EPHA4: variants seen among roughly 807,000 people sequenced by gnomAD.
The protein encoded by EPHA4 is EPH receptor A4, also known as ephrin type-A receptor 4.
EPHA4 carries 19 observed loss-of-function variants against 108.3 expected under a neutral mutation model. The ratio of observed to expected loss-of-function variants is 0.18; its 90% CI spans 0.12 to 0.26. The LOEUF is 0.26. EPHA4 is among the 10% of genes least tolerant of loss of function. EPHA4 has a pLI of 1.00. For missense variants in EPHA4, 917 were observed against 1,254.0 expected, an observed-to-expected ratio of 0.73 and a Z score of 4.06; for synonymous variants, 449 against 455.5, an observed-to-expected ratio of 0.99 and a Z score of 0.18.
upstream of EPHA4, chr2:221,574,149 G>C (rs550343024): frequency 1.3e-5 from 2 of 152,184 alleles, no homozygotes. Flanking sequence ...TGCAAACTCA[G>C]AGCCGAGCTA....
intron 3 of EPHA4, among the ~76,000 whole-genome samples, chr2:221,555,999 C>T (rs539182107): frequency 6.6e-6 from 1 of 152,072 alleles, no homozygotes; most frequent in Non-Finnish European, 1.5e-5. Flanking sequence ...TGTTACCTTC[C>T]AAAGAAACTG....
chr2:221,564,191 C>G lies in EPHA4; in HGVS notation c.363G>C (p.Thr121=), dbSNP rs752193754. The G allele has an allele frequency of 6.2e-7, 1 of 1,614,126 alleles. No homozygotes were observed. Among genetic ancestry groups the G allele is most frequent in the East Asian group, 2.2e-5 (1 of 44,870 alleles). Residue 121 remains threonine (T), a synonymous_variant, in exon 3 of 18, where the codon ACG becomes ACC. Coordinates refer to ENST00000281821, the MANE Select transcript of EPHA4 (RefSeq NM_004438.5). ...CTGATTCATAGTAGTACAGGTTAAA[C>G]GTCTCCTTGCAAGTCCCCATGACGC... ...LPGVMGTCKE[T]FNLYYYESDN... is the part of the protein sequence containing the mutation.
intron 6 of EPHA4, among the ~76,000 whole-genome samples, chr2:221,457,109 G>T (rs1437613825): frequency 1.3e-5 from 2 of 152,180 alleles, no homozygotes; most frequent in African/African-American, 2.4e-5. Flanking sequence ...CTGTGAGAAG[G>T]TCCCTTATCT....
At chr2:221,481,389 C>T (rs972301426) in intron 5 of EPHA4, among the ~76,000 whole-genome samples, 1 of 134,952 alleles carries the variant, frequency 7.4e-6, no homozygotes, top group Non-Finnish European at 1.6e-5. Context: ...GCTGCAATCA[C>T]GCCTGTAATC....
chr2:221,454,109 G>T (rs529960057), intron 8 of EPHA4, among the ~76,000 whole-genome samples: 10 of 152,096 alleles, frequency 6.6e-5, no homozygotes, highest in Admixed American at 5.2e-4. Context: ...GAACCCAGGA[G>T]GCAGACGTTG....
Position 221,564,046 on chromosome 2 carries a change from T to A in EPHA4, c.508A>T (p.Ile170Phe). Residue 170 changes from isoleucine to phenylalanine, a missense_variant, in exon 3 of 18, where the codon ATC becomes TTC. Ile to Phe is a conservative substitution (Grantham distance 21). Around this residue, in one of 3 missense-constraint regions of EPHA4, gnomAD observed 758 missense variants for 1,076.7 expected, o/e 0.70. Coordinates refer to ENST00000281821, the MANE Select transcript of EPHA4 (RefSeq NM_004438.5). ...GDRIMKLNTE[I>F]RDVGPLSKKG... ...TTGCTTAATGGCCCTACATCCCGGA[T>A]CTCGGTGTTCAGCTTCATGATTCTG... 6.2e-7 allele frequency: 1 copy of A among 1,614,060 alleles called. No homozygotes were observed. Among genetic ancestry groups the A allele is most frequent in the South Asian group, 1.1e-5 (1 of 91,070 alleles).
chr2:221,436,989 C>G, intron 12 of EPHA4, 72 bp downstream of exon 12: 1 of 1,149,250 alleles, frequency 8.7e-7, no homozygotes. Context: ...CCGAACACAA[C>G]AAACACAAGG....
rs575455130 is a variant in EPHA4, at chr2:221,489,270, A to G, written c.980-6580T>C. Among the ~76,000 whole-genome samples, 135 of 152,338 alleles carry G rather than the reference A, an allele frequency of 8.9e-4. No individual in the cohort carries two copies. The South Asian group carries it at 0.027, about 30-fold the overall frequency. On this transcript the variant is annotated intron_variant, in intron 4 of 17. Coordinates refer to ENST00000281821, the MANE Select transcript of EPHA4 (RefSeq NM_004438.5). ...TGCGTTTTGAAATGGGTTTGGCAGA[A>G]ATGGGTTCTGCCAAAGGGCTTAAAT...
At chr2:221,492,567 C>G (rs1692178395) in intron 4 of EPHA4, among the ~76,000 whole-genome samples, 1 of 152,112 alleles carries the variant, frequency 6.6e-6, no homozygotes, top group Non-Finnish European at 1.5e-5. Context: ...TCTAGAGGTA[C>G]TTTTTCCTTT....
At chr2:221,543,551 T>C (rs537616476) in intron 3 of EPHA4, among the ~76,000 whole-genome samples, 1 of 152,328 alleles carries the variant, frequency 6.6e-6, no homozygotes, top group East Asian at 1.9e-4. Context: ...TTATGATAAA[T>C]AAGTTCGCTT....
Position 221,477,442 on chromosome 2 carries a change from G to A in EPHA4, c.1318+4910C>T, listed in dbSNP as rs190763120. On this transcript the variant is annotated intron_variant, in intron 5 of 17. Transcript: ENST00000281821. ...TTTGGACCAGAAAATTCTTCATTGC[G>A]GAGGATTGGGGATGCTGTGTTGTGA... Among the ~76,000 whole-genome samples the A allele has an allele frequency of 3.9e-5, 6 of 152,222 alleles. No homozygotes were observed. The East Asian group carries it at 9.7e-4, about 25-fold the overall frequency.
At chr2:221,501,944 A>G (rs187212183) in intron 3 of EPHA4, among the ~76,000 whole-genome samples, 9 of 151,356 alleles carry the variant, frequency 5.9e-5, no homozygotes, top group Non-Finnish European at 1.2e-4. Context: ...AGTTCATAAA[A>G]CCCTCCTGTT....
At chr2:221,489,057 C>T (rs1692061781) in intron 4 of EPHA4, among the ~76,000 whole-genome samples, 1 of 152,164 alleles carries the variant, frequency 6.6e-6, no homozygotes, top group South Asian at 2.1e-4. Context: ...TAAAAGCCGT[C>T]AGCCAACACT....
intron 1 of EPHA4, 98 bp downstream of exon 1, chr2:221,572,060 G>C: frequency 2.0e-6 from 2 of 1,002,264 alleles, no homozygotes; most frequent in Non-Finnish European, 3.1e-6. Context: ...ATTCACACTG[G>C]GCTCCCCCCG....
At chr2:221,467,515 A>T (rs867974086) in intron 5 of EPHA4, among the ~76,000 whole-genome samples, 1 of 152,226 alleles carries the variant, frequency 6.6e-6, no homozygotes, top group Non-Finnish European at 1.5e-5. Flanking sequence ...CTTTTTAATC[A>T]TTATACTGAA....
rs546443170 is a variant in EPHA4, at chr2:221,529,988, G to A, written c.824-28816C>T. 3.9e-5 allele frequency among the ~76,000 whole-genome samples: 6 copies of A among 152,248 alleles called. No individual in the cohort carries two copies. In the South Asian group the frequency reaches 1.2e-3, roughly 32 times the overall value. On this transcript the variant is annotated intron_variant, in intron 3 of 17. Coordinates refer to ENST00000281821, the MANE Select transcript of EPHA4 (RefSeq NM_004438.5). ...AAAGAGAGAAGAGCAGATTCAGAAA[G>A]CGAAATTATTTCAAGTGTTATGTTA...
At chr2:221,444,277 G>C (rs1158209765) in intron 9 of EPHA4, among the ~76,000 whole-genome samples, 1 of 152,204 alleles carries the variant, frequency 6.6e-6, no homozygotes, top group Non-Finnish European at 1.5e-5. Context: ...GTATGATTCA[G>C]CCATATCTCA....
intron 5 of EPHA4, among the ~76,000 whole-genome samples, chr2:221,480,557 CAAT>C (rs912992895): frequency 6.6e-6 from 1 of 152,118 alleles, no homozygotes; most frequent in African/African-American, 2.4e-5. Flanking sequence ...AAACTGTTGG[CAAT>C]CACAGAGTAC....
At chr2:221,505,524 C>T (rs1692602191) in intron 3 of EPHA4, among the ~76,000 whole-genome samples, 1 of 152,030 alleles carries the variant, frequency 6.6e-6, no homozygotes, top group Non-Finnish European at 1.5e-5. Flanking sequence ...TGGAGTTTCA[C>T]CATGTTAGTC....
Sources: allele counts gnomAD v4.1 joint callset (sites outside exome capture counted in the v4.1 genomes callset), GRCh38; gene constraint gnomAD v4.1.1; regional missense constraint gnomAD v4.1.1; transcripts MANE v1.5; gene names NCBI Gene and HGNC (gene_info 2026-07-23, HGNC 2026-07-21).